Variants in LIPC observed in about 807,000 individuals in gnomAD.
LIPC encodes the protein lipase C, hepatic type.
A neutral mutation model predicts 50.7 loss-of-function variants in LIPC; 44 were observed. That is an observed-to-expected ratio of 0.87 (90% confidence interval 0.68 to 1.11). The LOEUF (loss-of-function observed/expected upper bound fraction) is 1.11. Among genes scored for constraint, LIPC ranks in the 50% most tolerant of loss-of-function variants. The probability of loss-of-function intolerance (pLI) is 0.00; values close to 1 mark genes in which losing one functional copy is unlikely to be tolerated. For missense variants in LIPC, 697 were observed against 648.2 expected, an observed-to-expected ratio of 1.08 and a Z score of -0.82; for synonymous variants, 271 against 256.4, an observed-to-expected ratio of 1.06 and a Z score of -0.54.
At chr15:58,467,472 C>T (rs1189460021) in intron 1 of LIPC, among the ~76,000 whole-genome samples, 2 of 152,144 alleles carry the variant, frequency 1.3e-5, no homozygotes, top group African/African-American at 4.8e-5. Context: ...CCCGTCCTTT[C>T]CCAGAGAGCT....
At chr15:58,509,959 TA>T (rs3052269) in intron 1 of LIPC, among the ~76,000 whole-genome samples, 342 of 151,132 alleles carry the variant, frequency 2.3e-3, no homozygotes, top group Middle Eastern at 3.4e-3. Flanking sequence ...ATTGAATCAT[TA>T]AAAAAAAAAA....
intron 1 of LIPC, among the ~76,000 whole-genome samples, chr15:58,535,529 C>T (rs1893089859): frequency 6.6e-6 from 1 of 152,212 alleles, no homozygotes; most frequent in African/African-American, 2.4e-5. Context: ...AAGCCTCAGC[C>T]ACCTGGGCTG....
intron 1 of LIPC, among the ~76,000 whole-genome samples, chr15:58,501,780 C>G (rs536566955): frequency 6.6e-6 from 1 of 152,070 alleles, no homozygotes; most frequent in East Asian, 1.9e-4. Context: ...TCTTTCTTAC[C>G]CTAACCCAGT....
At chr15:58,542,140 G>A (rs534564911) in intron 3 of LIPC, among the ~76,000 whole-genome samples, 173 bp downstream of exon 3, 4 of 152,150 alleles carry the variant, frequency 2.6e-5, no homozygotes, top group African/African-American at 4.8e-5. Context: ...TCTCTCAGAC[G>A]CCTCCCTTGA....
chr15:58,448,110 T>C (rs1228795631), intron 1 of LIPC, among the ~76,000 whole-genome samples: 1 of 152,192 alleles, frequency 6.6e-6, no homozygotes, highest in Non-Finnish European at 1.5e-5. Flanking sequence ...GTTCCTAACA[T>C]GGTATCAAAT....
chr15:58,504,147 C>A (rs952203002), intron 1 of LIPC, among the ~76,000 whole-genome samples: 2 of 152,222 alleles, frequency 1.3e-5, no homozygotes, highest in Non-Finnish European at 2.9e-5. Context: ...GGCACCCTGG[C>A]TGGAGTGAAC....
In LIPC at chr15:58,561,377, T is replaced by A. The variant is rs187218880; in HGVS notation, c.1169+396T>A. On this transcript the variant is annotated intron_variant, in intron 7 of 8. Transcript: ENST00000299022. ...TGGGTGCATTCAAAGATTTTCTGATTGGCATTGGTTGAATGAGTTTATCTA... is the reference window on the plus strand; with the variant it reads ...TGGGTGCATTCAAAGATTTTCTGATAGGCATTGGTTGAATGAGTTTATCTA... 5.9e-5 allele frequency among the ~76,000 whole-genome samples: 9 copies of A among 152,316 alleles called. No homozygotes were observed. In the East Asian group the frequency reaches 1.7e-3, roughly 29 times the overall value.
chr15:58,464,994 A>G (rs1258156105), intron 1 of LIPC, among the ~76,000 whole-genome samples: 2 of 151,360 alleles, frequency 1.3e-5, no homozygotes, highest in Non-Finnish European at 2.9e-5. Flanking sequence ...GCGAGGGGGG[A>G]GCCCACCACA....
intron 1 of LIPC, among the ~76,000 whole-genome samples, chr15:58,482,594 C>A (rs1327376276): frequency 6.6e-6 from 1 of 152,212 alleles, no homozygotes; most frequent in African/African-American, 2.4e-5. Flanking sequence ...GCCACAGCCA[C>A]TCTAAATTTC....
chr15:58,445,816 G>A (rs1158615139), intron 1 of LIPC, among the ~76,000 whole-genome samples: 1 of 152,216 alleles, frequency 6.6e-6, no homozygotes, highest in Non-Finnish European at 1.5e-5. Flanking sequence ...AGGGTGAAAT[G>A]AGACCACGTA....
intron 1 of LIPC, among the ~76,000 whole-genome samples, chr15:58,479,693 A>G (rs921300656): frequency 6.6e-6 from 1 of 152,222 alleles, no homozygotes; most frequent in Admixed American, 6.5e-5. Flanking sequence ...TTTTGTTACA[A>G]GGGTATGTGG....
intron 1 of LIPC, among the ~76,000 whole-genome samples, chr15:58,531,720 T>C (rs1892967178): frequency 6.7e-6 from 1 of 148,536 alleles, no homozygotes; most frequent in African/African-American, 2.5e-5. Context: ...AAAAAAATAG[T>C]AAAGAGCAAC....
intron 1 of LIPC, among the ~76,000 whole-genome samples, chr15:58,448,967 G>A (rs1893802584): frequency 6.6e-6 from 1 of 152,094 alleles, no homozygotes; most frequent in Non-Finnish European, 1.5e-5. Context: ...CTTGGGACTG[G>A]CCACACATGA....
At chr15:58,533,383 A>T (rs1893013364) in intron 1 of LIPC, among the ~76,000 whole-genome samples, 1 of 152,244 alleles carries the variant, frequency 6.6e-6, no homozygotes, top group African/African-American at 2.4e-5. Context: ...AAAATGCTGA[A>T]GATCAATTTG....
At chr15:58,459,019 T>C (rs929568780) in intron 1 of LIPC, among the ~76,000 whole-genome samples, 2 of 152,176 alleles carry the variant, frequency 1.3e-5, no homozygotes, top group African/African-American at 2.4e-5. Context: ...TCATAGAACA[T>C]TGAGAAGGCT....
At chr15:58,442,205 G>T (rs146238889) in intron 1 of LIPC, among the ~76,000 whole-genome samples, 1 of 152,150 alleles carries the variant, frequency 6.6e-6, no homozygotes, top group East Asian at 1.9e-4. Context: ...AATGGTCATC[G>T]TGGTGCCAGG....
chr15:58,548,602 G>A (rs760190499), intron 6 of LIPC, 30 bp downstream of exon 6: 14 of 1,577,336 alleles, frequency 8.9e-6, no homozygotes, highest in South Asian at 2.3e-5. Flanking sequence ...GCCTTCAGAA[G>A]GGCAGGATGC....
At chr15:58,519,990 T>C (rs576409681) in intron 1 of LIPC, among the ~76,000 whole-genome samples, 1 of 152,210 alleles carries the variant, frequency 6.6e-6, no homozygotes, top group East Asian at 1.9e-4. Context: ...AATAAACAAA[T>C]GCAAGGGTGC....
intron 1 of LIPC, among the ~76,000 whole-genome samples, chr15:58,471,465 A>T (rs1363409338): frequency 7.2e-5 from 11 of 152,058 alleles, no homozygotes; most frequent in African/African-American, 2.7e-4. Flanking sequence ...AGCTTTAAAC[A>T]CAAGTGAGGA....
Sources: gnomAD v4.1 joint callset for allele counts (sites outside exome capture counted in the v4.1 genomes callset) on GRCh38, gnomAD v4.1.1 for gene constraint, MANE v1.5 for transcripts, NCBI Gene and HGNC (gene_info 2026-07-23, HGNC 2026-07-21) for gene names.